The following MTUS2 variants were observed in gnomAD, a reference collection of about 807,000 sequenced individuals.
MTUS2 encodes microtubule associated scaffold protein 2.
Under a neutral mutation model 114.1 loss-of-function variants are expected in MTUS2, and 40 were observed. That is an observed-to-expected ratio of 0.35 (90% CI 0.27 to 0.46). MTUS2 has a LOEUF of 0.46. Ranked by LOEUF, MTUS2 falls within the 20% of genes least tolerant of loss-of-function variation. The probability of loss-of-function intolerance (pLI) is 1.00; values close to 1 mark genes in which losing one functional copy is unlikely to be tolerated. For synonymous variants in MTUS2, 688 were observed against 672.0 expected (o/e 1.02, Z -0.37); for missense variants, 1,679 against 1,705.4 (o/e 0.98, Z 0.27).
chr13:29,204,527 G>A (rs1254459013), intron 5 of MTUS2, among the ~76,000 whole-genome samples: 1 of 152,228 alleles, frequency 6.6e-6, no homozygotes, highest in Non-Finnish European at 1.5e-5. Flanking sequence ...CAGCCAGGAG[G>A]AGCCTTGGGA....
intron 4 of MTUS2, among the ~76,000 whole-genome samples, chr13:29,073,126 A>G (rs1889020730): frequency 6.6e-6 from 1 of 152,182 alleles, no homozygotes; most frequent in African/African-American, 2.4e-5. Context: ...ATATGCAGTC[A>G]CTTTCAATGA....
intron 2 of MTUS2, among the ~76,000 whole-genome samples, chr13:28,934,110 A>G (rs1339541618): frequency 6.6e-6 from 1 of 152,222 alleles, no homozygotes; most frequent in Non-Finnish European, 1.5e-5. Context: ...AACTACCACA[A>G]TTAAGTGAAG....
intron 8 of MTUS2, among the ~76,000 whole-genome samples, chr13:29,377,686 C>T (rs1210822419): frequency 6.6e-6 from 1 of 151,902 alleles, no homozygotes; most frequent in Non-Finnish European, 1.5e-5. Flanking sequence ...AGACTCAAAT[C>T]AATAAGCTTC....
At chr13:29,167,955 T>C (rs1206542820) in intron 5 of MTUS2, among the ~76,000 whole-genome samples, 1 of 152,180 alleles carries the variant, frequency 6.6e-6, no homozygotes, top group Non-Finnish European at 1.5e-5. Flanking sequence ...GCAAAACCAA[T>C]GTTTTTACGT....
At chr13:29,037,068 ATTTTG>A (rs1887113751) in intron 4 of MTUS2, among the ~76,000 whole-genome samples, 1 of 152,030 alleles carries the variant, frequency 6.6e-6, no homozygotes, top group Admixed American at 6.6e-5. Flanking sequence ...CTGGCTGGTT[ATTTTG>A]CCTGTTAGTT....
intron 5 of MTUS2, among the ~76,000 whole-genome samples, chr13:29,271,750 A>G (rs1897889515): frequency 6.6e-6 from 1 of 152,234 alleles, no homozygotes; most frequent in Non-Finnish European, 1.5e-5. Flanking sequence ...AAATAGACAC[A>G]GTCACATGAA....
At chr13:29,401,826 C>G (rs1874372760) in intron 8 of MTUS2, among the ~76,000 whole-genome samples, 1 of 152,162 alleles carries the variant, frequency 6.6e-6, no homozygotes, top group Admixed American at 6.5e-5. Flanking sequence ...TAAATATTCT[C>G]TTACATTTTC....
chr13:29,190,657 G>C (rs1211889011), intron 5 of MTUS2, among the ~76,000 whole-genome samples: 1 of 147,086 alleles, frequency 6.8e-6, no homozygotes, highest in African/African-American at 2.6e-5. Context: ...TGACTGAACT[G>C]TGTAGAGAGA....
intron 5 of MTUS2, among the ~76,000 whole-genome samples, chr13:29,103,671 G>A (rs1212287742): frequency 1.3e-5 from 2 of 152,164 alleles, no homozygotes; most frequent in Non-Finnish European, 2.9e-5. Context: ...CGTGAGTAAT[G>A]TGTTGTGCTA....
intron 2 of MTUS2, among the ~76,000 whole-genome samples, chr13:29,011,619 C>T (rs945830577): frequency 3.9e-5 from 6 of 152,162 alleles, no homozygotes; most frequent in Non-Finnish European, 7.3e-5. Context: ...TGGTTCCTAA[C>T]TGAATAATAT....
At chr13:28,893,694 A>G (rs1264213230) in intron 2 of MTUS2, among the ~76,000 whole-genome samples, 1 of 152,202 alleles carries the variant, frequency 6.6e-6, no homozygotes, top group East Asian at 1.9e-4. Context: ...GATTTTAGCA[A>G]CATCAGAAGC....
At chr13:29,266,416 A>G (rs1355369852) in intron 5 of MTUS2, among the ~76,000 whole-genome samples, 1 of 152,198 alleles carries the variant, frequency 6.6e-6, no homozygotes, top group Non-Finnish European at 1.5e-5. Context: ...AATGCTTACA[A>G]TGAAGCCAAA....
Position 28,952,409 on chromosome 13 carries a change from A to G in MTUS2, c.-242-72048A>G, listed in dbSNP as rs370923922. 9.8e-5 allele frequency among the ~76,000 whole-genome samples: 15 copies of G among 152,352 alleles called. No individual in the cohort carries two copies. In the South Asian group the frequency reaches 2.3e-3, roughly 23 times the overall value. ...TGCAATTTGCGTTTTCAGTTTAACA[A>G]TGGATCATGTACATTCCTGCAAATT... On this transcript the variant is annotated intron_variant, in intron 2 of 15. Transcript: ENST00000612955.
At chr13:29,247,663 T>G (rs1896976118) in intron 5 of MTUS2, among the ~76,000 whole-genome samples, 1 of 152,158 alleles carries the variant, frequency 6.6e-6, no homozygotes, top group Admixed American at 6.5e-5. Flanking sequence ...TCATCATCAC[T>G]AATTATCAGG....
At chr13:29,031,336 T>A (rs1886815505) in intron 3 of MTUS2, among the ~76,000 whole-genome samples, 1 of 150,084 alleles carries the variant, frequency 6.7e-6, no homozygotes, top group South Asian at 2.1e-4. Flanking sequence ...CTATATATGT[T>A]TCAATATATA....
chr13:29,498,638 T>G, intron 14 of MTUS2, 101 bp downstream of exon 14: 1 of 1,480,628 alleles, frequency 6.8e-7, no homozygotes, highest in East Asian at 2.3e-5. Flanking sequence ...GTCCCTTACC[T>G]GCCCATTGCT....
intron 2 of MTUS2, among the ~76,000 whole-genome samples, chr13:28,871,903 A>G (rs1426872371): frequency 6.6e-6 from 1 of 152,128 alleles, no homozygotes; most frequent in African/African-American, 2.4e-5. Context: ...GGCCCGGTGG[A>G]GGGATCAAGG....
Position 29,389,426 on chromosome 13 carries a change from T to A in MTUS2, c.3117+29953T>A, listed in dbSNP as rs1872986910. ...ATGTATACACGTGTGTGTGTATGTA[T>A]ACACGTGTGTGTATGTGTATGTATA... On this transcript the variant is annotated intron_variant, in intron 8 of 15. Transcript: ENST00000612955. 1.5e-5 allele frequency among the ~76,000 whole-genome samples: 2 copies of A among 133,890 alleles called. 1 individual carries two copies. The highest frequency in any genetic ancestry group is 3.2e-5 in the Non-Finnish European group (2 of 63,436). The allele number at this position is 133,890 out of a possible 152,430, so 87.8% of individuals were successfully genotyped here.
At chr13:29,422,648 CTTTTTTTTTTTTTTT>C (rs11342823) in intron 8 of MTUS2, among the ~76,000 whole-genome samples, 1 of 67,978 alleles carries the variant, frequency 1.5e-5, no homozygotes, top group Non-Finnish European at 2.6e-5. Flanking sequence ...GATTTCTTTT[CTTTTTTTTTTTTTTT>C]TTTTTTTTTT....
Sources: allele counts gnomAD v4.1 joint callset (sites outside exome capture counted in the v4.1 genomes callset), GRCh38; gene constraint gnomAD v4.1.1; transcripts MANE v1.5; gene names NCBI Gene and HGNC (gene_info 2026-07-23, HGNC 2026-07-21).